Variants in TNFSF4 observed in about 807,000 individuals in gnomAD.
The protein encoded by TNFSF4 is TNF superfamily member 4.
In TNFSF4, 4 loss-of-function variants were observed where a neutral mutation model predicts 7.3. The observed-to-expected ratio is 0.55, with a 90% CI of 0.27 to 1.25. The LOEUF (loss-of-function observed/expected upper bound fraction) is 1.25, where lower values mean the gene tolerates loss of function less well. Ranked by LOEUF, TNFSF4 falls within the 50% of genes most tolerant of loss-of-function variation. The pLI is 0.12. For missense variants in TNFSF4, 181 were observed against 208.8 expected (o/e 0.87, Z 0.82); for synonymous variants, 76 against 83.7 (o/e 0.91, Z 0.50).
At chr1:173,287,166 CA>C in the TNFSF4 span, among the ~76,000 whole-genome samples, 3 of 150,036 alleles carry the variant, frequency 2.0e-5, no homozygotes, top group Non-Finnish European at 3.0e-5. Context: ...GATGTCTCCA[CA>C]AAAAAAAAGA....
At chr1:173,338,862 A>C in the TNFSF4 span, among the ~76,000 whole-genome samples, 1 of 152,180 alleles carries the variant, frequency 6.6e-6, no homozygotes, top group African/African-American at 2.4e-5. Flanking sequence ...ACAGCATGTA[A>C]AAAAGGAAGT....
chr1:173,362,551 G>A, the TNFSF4 span: 1 of 537,118 alleles, frequency 1.9e-6, no homozygotes, highest in Non-Finnish European at 3.7e-6. Context: ...TCCCACTAAT[G>A]CCTCCGATTC....
the TNFSF4 span, among the ~76,000 whole-genome samples, chr1:173,363,935 G>T: frequency 6.6e-6 from 1 of 152,170 alleles, no homozygotes; most frequent in Non-Finnish European, 1.5e-5. Flanking sequence ...ACATAACTCA[G>T]TCTGGCCTTA....
chr1:173,440,980 A>G, the TNFSF4 span, among the ~76,000 whole-genome samples: 1 of 152,218 alleles, frequency 6.6e-6, no homozygotes, highest in African/African-American at 2.4e-5. Context: ...CCAGTAGAAA[A>G]TATTCTGATT....
the TNFSF4 span, among the ~76,000 whole-genome samples, chr1:173,423,796 G>A: frequency 1.3e-5 from 2 of 152,204 alleles, no homozygotes; most frequent in Non-Finnish European, 2.9e-5. Context: ...ATTAGAGAGT[G>A]TCTTCATCTG....
At chr1:173,325,458 A>G in the TNFSF4 span, among the ~76,000 whole-genome samples, 2 of 152,222 alleles carry the variant, frequency 1.3e-5, no homozygotes, top group African/African-American at 4.8e-5. Context: ...TAAAAGAACT[A>G]GAGAAGCAAG....
the TNFSF4 span, among the ~76,000 whole-genome samples, chr1:173,421,376 G>A: frequency 6.6e-6 from 1 of 152,056 alleles, no homozygotes; most frequent in Non-Finnish European, 1.5e-5. Context: ...CCTCCAGGAA[G>A]GTAAGCAATG....
At chr1:173,188,095 A>G (rs542978274) in intron 2 of TNFSF4, among the ~76,000 whole-genome samples, 1 of 152,310 alleles carries the variant, frequency 6.6e-6, no homozygotes, top group East Asian at 1.9e-4. Flanking sequence ...CTGGAGTCGA[A>G]GTTTTTATTC....
At chr1:173,418,112 T>C in the TNFSF4 span, 1 of 152,228 alleles carries the variant, frequency 6.6e-6, no homozygotes, top group African/African-American at 2.4e-5. Flanking sequence ...TTTGTGTCCA[T>C]TGATTGCCAT....
At chr1:173,332,641 G>A in the TNFSF4 span, among the ~76,000 whole-genome samples, 1 of 152,156 alleles carries the variant, frequency 6.6e-6, no homozygotes, top group Non-Finnish European at 1.5e-5. Context: ...GGATCACGAG[G>A]TCAGGAGTTC....
At chr1:173,196,538 A>C (rs541769777) in intron 1 of TNFSF4, among the ~76,000 whole-genome samples, 1 of 152,252 alleles carries the variant, frequency 6.6e-6, no homozygotes, top group East Asian at 1.9e-4. Flanking sequence ...GAGTCTACTA[A>C]GTAACGGCTA....
chr1:173,376,622 G>T, the TNFSF4 span, among the ~76,000 whole-genome samples: 1 of 152,160 alleles, frequency 6.6e-6, no homozygotes, highest in Admixed American at 6.6e-5. Flanking sequence ...CTAACTAAAT[G>T]TTTGTAAATG....
the TNFSF4 span, among the ~76,000 whole-genome samples, chr1:173,353,978 C>A: frequency 1.3e-5 from 2 of 150,324 alleles, no homozygotes; most frequent in African/African-American, 2.4e-5. Flanking sequence ...AAGAAGTAAC[C>A]AAAATCAGGG....
the TNFSF4 span, among the ~76,000 whole-genome samples, chr1:173,381,844 C>T: frequency 3.3e-5 from 5 of 152,122 alleles, no homozygotes; most frequent in African/African-American, 4.8e-5. Flanking sequence ...CACCAATCAG[C>T]GCTCTGTGTC....
the TNFSF4 span, among the ~76,000 whole-genome samples, chr1:173,348,815 G>C: frequency 6.6e-5 from 10 of 152,120 alleles, no homozygotes; most frequent in African/African-American, 2.4e-4. Flanking sequence ...TGTAACCATA[G>C]AACCAGGCAA....
the TNFSF4 span, among the ~76,000 whole-genome samples, chr1:173,294,734 A>C: frequency 6.6e-6 from 1 of 152,030 alleles, no homozygotes; most frequent in South Asian, 2.1e-4. Context: ...AATAGAGAAA[A>C]ATCAGTGAAA....
At chr1:173,448,703 G>A in the TNFSF4 span, among the ~76,000 whole-genome samples, 1 of 152,142 alleles carries the variant, frequency 6.6e-6, no homozygotes, top group African/African-American at 2.4e-5. Flanking sequence ...CTTAAGGCAA[G>A]GACTGGCCAT....
At chr1:173,252,769 T>C in the TNFSF4 span, among the ~76,000 whole-genome samples, 1 of 152,114 alleles carries the variant, frequency 6.6e-6, no homozygotes, top group Non-Finnish European at 1.5e-5. Context: ...AAGAGAAATT[T>C]CCCCAAATGA....
the TNFSF4 span, among the ~76,000 whole-genome samples, chr1:173,407,587 A>T: frequency 2.1e-5 from 3 of 144,608 alleles, no homozygotes; most frequent in Non-Finnish European, 4.5e-5. Context: ...AAAAAAAGTT[A>T]CAAATCTGGA....
Sources: gnomAD v4.1 joint callset for allele counts (sites outside exome capture counted in the v4.1 genomes callset) on GRCh38, gnomAD v4.1.1 for gene constraint, MANE v1.5 for transcripts, NCBI Gene and HGNC (gene_info 2026-07-23, HGNC 2026-07-21) for gene names.